MAP3K19: variants seen among roughly 807,000 people sequenced by gnomAD.
MAP3K19 encodes mitogen-activated protein kinase kinase kinase 19, also known as SPS1/STE20-related protein kinase YSK4.
A neutral mutation model predicts 114.4 loss-of-function variants in MAP3K19; 91 were observed. The observed-to-expected ratio is 0.80, with a 90% CI of 0.67 to 0.95. The LOEUF (loss-of-function observed/expected upper bound fraction) is 0.95. MAP3K19 is among the 40% of genes least tolerant of loss of function. The pLI is 0.00. For synonymous variants in MAP3K19, 518 were observed against 530.5 expected (o/e 0.98, Z 0.32); for missense variants, 1,471 against 1,573.2 (o/e 0.94, Z 1.10).
At chr2:134,976,349 A>G (rs1297264761) in intron 12 of MAP3K19, among the ~76,000 whole-genome samples, 1 of 152,192 alleles carries the variant, frequency 6.6e-6, no homozygotes, top group Non-Finnish European at 1.5e-5. Flanking sequence ...TCCCATGGCT[A>G]GGATTGCAGG....
intron 12 of MAP3K19, among the ~76,000 whole-genome samples, chr2:134,979,003 G>T (rs1684436274): frequency 6.6e-6 from 1 of 152,112 alleles, no homozygotes; most frequent in Non-Finnish European, 1.5e-5. Context: ...ATTTCTCTCA[G>T]CTTCCCCAAG....
chr2:135,024,977 G>A (rs1301906252), intron 3 of MAP3K19, among the ~76,000 whole-genome samples: 1 of 152,064 alleles, frequency 6.6e-6, no homozygotes, highest in Non-Finnish European at 1.5e-5. Context: ...ACATTCTGAG[G>A]TTTGCAGAGA....
chr2:134,975,015 T>C (rs1054421266), intron 12 of MAP3K19, among the ~76,000 whole-genome samples: 28 of 152,192 alleles, frequency 1.8e-4, no homozygotes, highest in Non-Finnish European at 1.9e-4. Context: ...CTGTGATTGT[T>C]AGTGGAGTCT....
chr2:135,005,616 C>A, intron 5 of MAP3K19, 85 bp from the exon 6 acceptor site: 3 of 993,752 alleles, frequency 3.0e-6, no homozygotes, highest in Non-Finnish European at 4.7e-6. Flanking sequence ...TTTTTCTGGG[C>A]TAAAGATTTA....
At chr2:134,993,564 T>C (rs1354384985) in intron 8 of MAP3K19, among the ~76,000 whole-genome samples, 2 of 152,224 alleles carry the variant, frequency 1.3e-5, no homozygotes, top group African/African-American at 2.4e-5. Context: ...AGGTTTTCTA[T>C]TGAAAAGATG....
chr2:135,025,175 A>G (rs1688204208), intron 3 of MAP3K19, among the ~76,000 whole-genome samples: 1 of 151,934 alleles, frequency 6.6e-6, no homozygotes, highest in Non-Finnish European at 1.5e-5. Context: ...TTTCTTTTCA[A>G]TAATTAAGCT....
intron 2 of MAP3K19, among the ~76,000 whole-genome samples, chr2:135,037,079 C>A (rs564800336): frequency 2.0e-5 from 3 of 152,078 alleles, no homozygotes; most frequent in Non-Finnish European, 2.9e-5. Flanking sequence ...TCACTGCAAC[C>A]TCTGCCTCCT....
intron 12 of MAP3K19, among the ~76,000 whole-genome samples, chr2:134,974,983 GT>G (rs1392109273): frequency 2.0e-5 from 3 of 152,226 alleles, no homozygotes; most frequent in Non-Finnish European, 4.4e-5. Flanking sequence ...AGTGGTGTCT[GT>G]GATTTCCTCA....
At chr2:135,026,657 G>T (rs4954213) in intron 3 of MAP3K19, among the ~76,000 whole-genome samples, 47,599 of 151,928 alleles carry the variant, frequency 0.31, 11,317 homozygotes, top group African/African-American at 0.65. Flanking sequence ...AAAAAAAAGT[G>T]CATTGTTTAT....
intron 3 of MAP3K19, among the ~76,000 whole-genome samples, chr2:135,025,134 T>C (rs2105379784): frequency 6.6e-6 from 1 of 152,214 alleles, no homozygotes; most frequent in Admixed American, 6.5e-5. Flanking sequence ...TAAATGATTG[T>C]CTTATCATTC....
At position 134,980,887 on chromosome 2, in the gene MAP3K19, A is replaced by T. The variant is rs762665559; in HGVS notation, c.3854T>A (p.Leu1285Gln). Residue 1285 changes from leucine to glutamine, a missense_variant, in exon 12 of 13, where the codon CTG (leucine) becomes CAG (glutamine). Leu to Gln is a moderately radical substitution (Grantham distance 113). Coordinates refer to ENST00000392915, the MANE Select transcript of MAP3K19 (RefSeq NM_025052.5). ...AMFYIGAHRG[L>Q]MPPLPDHFSE... ...GAAGTGGTCTGGTAAAGGAGGCATC[A>T]GCCCTCGGTGTGCTCCGATGTAAAA... 3 of 1,614,140 alleles carry T rather than the reference A, an allele frequency of 1.9e-6. No homozygotes were observed. The highest frequency in any genetic ancestry group is 1.7e-6 in the Non-Finnish European group (2 of 1,180,054).
At chr2:135,037,435 T>C (rs1175309128) in intron 2 of MAP3K19, among the ~76,000 whole-genome samples, 1 of 152,208 alleles carries the variant, frequency 6.6e-6, no homozygotes, top group Non-Finnish European at 1.5e-5. Flanking sequence ...TTTCATTGAA[T>C]GTTATATGAG....
chr2:134,971,799 CTCTTTTTTT>C (rs1057246270), intron 12 of MAP3K19, among the ~76,000 whole-genome samples: 2 of 149,442 alleles, frequency 1.3e-5, no homozygotes, highest in Admixed American at 1.3e-4. Flanking sequence ...TCAGTCATCT[CTCTTTTTTT>C]TCTTGGTTAG....
In MAP3K19 at chr2:134,981,645, C is replaced by T. The variant is rs16831220; in HGVS notation, c.3223-127G>A. ...TGTCTTTCTCTAAGTTGATACCTCC[C>T]TTCCTAAATGCAAAGTGTTTAAGCA... On this transcript the variant is annotated intron_variant, in intron 11 of 12. Transcript: ENST00000392915. The T allele has an allele frequency of 5.6e-4, 401 of 722,266 alleles. 2 individuals are homozygous for T. The African/African-American group carries it at 6.4e-3, about 11-fold the overall frequency. 44.7% of individuals were successfully genotyped at this position (722,266 alleles called of 1,614,324 possible).
intron 5 of MAP3K19, among the ~76,000 whole-genome samples, chr2:135,018,839 C>G (rs967168694): frequency 6.6e-6 from 1 of 152,188 alleles, no homozygotes. Flanking sequence ...AACCCCAACA[C>G]TTTGGGAAAC....
chr2:135,015,676 C>G (rs950929622), intron 5 of MAP3K19, among the ~76,000 whole-genome samples: 1 of 151,946 alleles, frequency 6.6e-6, no homozygotes, highest in Non-Finnish European at 1.5e-5. Flanking sequence ...GGGTGGATCA[C>G]GAGGTCAGGA....
intron 11 of MAP3K19, among the ~76,000 whole-genome samples, chr2:134,982,121 T>TC (rs1684717046): frequency 7.2e-6 from 1 of 139,642 alleles, no homozygotes; most frequent in Non-Finnish European, 1.6e-5. Context: ...TTCTTTTTTT[T>TC]TTTTTTTTTT....
chr2:134,981,218 C>T lies in MAP3K19; in HGVS notation c.3523G>A (p.Ala1175Thr). The change falls in exon 12 of 13, where the codon GCT (alanine) becomes ACT (threonine). Residue 1175 changes from alanine (A) to threonine (T), a missense_variant. Transcript: ENST00000392915. Reference sequence around the variant, plus strand: ...ACCACACAGTTCTCATGGAGATAAGCAACACCTTGAAGTATTTGTTTCGTA... The same window carrying T: ...ACCACACAGTTCTCATGGAGATAAGTAACACCTTGAAGTATTTGTTTCGTA... ...KYTKQILQGV[A>T]YLHENCVVHR... The T allele has an allele frequency of 1.2e-6, 2 of 1,614,146 alleles. No individual in the cohort carries two copies. Among genetic ancestry groups the T allele is most frequent in the Non-Finnish European group, 8.5e-7 (1 of 1,180,030 alleles).
intron 12 of MAP3K19, among the ~76,000 whole-genome samples, chr2:134,967,346 G>T (rs968883242): frequency 6.6e-6 from 1 of 152,226 alleles, no homozygotes; most frequent in Non-Finnish European, 1.5e-5. Context: ...CACCAGTAAA[G>T]GGTCTGGCTG....
Sources: allele counts gnomAD v4.1 joint callset (sites outside exome capture counted in the v4.1 genomes callset), GRCh38; gene constraint gnomAD v4.1.1; transcripts MANE v1.5; gene names NCBI Gene and HGNC (gene_info 2026-07-23, HGNC 2026-07-21).